Variants in HYCC2 observed in about 807,000 individuals in gnomAD.
HYCC2 encodes the protein hyccin PI4KA lipid kinase complex subunit 2.
chr2:201,069,579 C>CACACACACACAA, the HYCC2 span, among the ~76,000 whole-genome samples: 9 of 142,378 alleles, frequency 6.3e-5, no homozygotes, highest in African/African-American at 2.5e-4. Context: ...CACACACACA[C>CACACACACACAA]ACACACACAC....
At chr2:201,055,704 TAAAAAC>T in the HYCC2 span, among the ~76,000 whole-genome samples, 3 of 151,630 alleles carry the variant, frequency 2.0e-5, no homozygotes, top group Admixed American at 2.0e-4. Context: ...TCTCTAAAAA[TAAAAAC>T]ATAAAAATAA....
the HYCC2 span, among the ~76,000 whole-genome samples, chr2:200,984,116 T>G: frequency 6.6e-6 from 1 of 152,202 alleles, no homozygotes. Flanking sequence ...CACAGCCCAC[T>G]GTAGCCTCAA....
chr2:200,975,268 G>C, the HYCC2 span: 5 of 152,000 alleles, frequency 3.3e-5, no homozygotes, highest in East Asian at 9.6e-4. Flanking sequence ...TCCTTAACAA[G>C]TACTTTAAAA....
the HYCC2 span, chr2:200,974,157 C>T: frequency 5.7e-4 from 87 of 151,604 alleles, no homozygotes; most frequent in African/African-American, 2.0e-3. Context: ...TTCACCAGCA[C>T]TATTCTCTAA....
the HYCC2 span, among the ~76,000 whole-genome samples, chr2:201,017,580 A>G: frequency 5.9e-5 from 9 of 152,370 alleles, no homozygotes; most frequent in East Asian, 1.7e-3. Context: ...AACTGAGACT[A>G]TGATTTAAGC....
chr2:200,988,888 T>C, the HYCC2 span, among the ~76,000 whole-genome samples: 2 of 152,250 alleles, frequency 1.3e-5, no homozygotes, highest in Non-Finnish European at 2.9e-5. Flanking sequence ...ATTTGACTGA[T>C]GCATGTTTCC....
chr2:200,999,829 C>T, the HYCC2 span, among the ~76,000 whole-genome samples: 5 of 147,652 alleles, frequency 3.4e-5, no homozygotes, highest in African/African-American at 1.2e-4. Context: ...ATTGGGAGGC[C>T]GAGGCGGATC....
the HYCC2 span, among the ~76,000 whole-genome samples, chr2:201,018,706 G>C: frequency 6.6e-6 from 1 of 152,086 alleles, no homozygotes; most frequent in Non-Finnish European, 1.5e-5. Context: ...GGGTGTGGAG[G>C]TACACATCCA....
the HYCC2 span, chr2:201,063,701 G>A: frequency 3.2e-6 from 5 of 1,576,818 alleles, no homozygotes; most frequent in South Asian, 1.1e-5. Context: ...CTTTGGTGGT[G>A]GTCGTGGAGG....
the HYCC2 span, among the ~76,000 whole-genome samples, chr2:201,028,452 GA>G: frequency 1.3e-5 from 2 of 151,860 alleles, no homozygotes; most frequent in African/African-American, 2.4e-5. Context: ...CACAGAATTG[GA>G]AAAAAACTAC....
chr2:201,020,346 T>C, the HYCC2 span, among the ~76,000 whole-genome samples: 13 of 152,256 alleles, frequency 8.5e-5, no homozygotes, highest in African/African-American at 3.1e-4. Flanking sequence ...TGAGAGTATT[T>C]GGATGGAATA....
the HYCC2 span, among the ~76,000 whole-genome samples, chr2:201,026,313 G>A: frequency 8.5e-5 from 13 of 152,126 alleles, no homozygotes; most frequent in Non-Finnish European, 1.5e-4. Flanking sequence ...GATTCATAAA[G>A]CAAGTCCTTA....
chr2:200,981,367 T>A, the HYCC2 span: 1 of 1,614,196 alleles, frequency 6.2e-7, no homozygotes, highest in Non-Finnish European at 8.5e-7. The surrounding 1 kb of genome is among the most constrained non-coding windows in gnomAD (Gnocchi z 4.5). Flanking sequence ...TTCGCCAGCT[T>A]GACCTAGCCG....
chr2:200,984,930 T>G, the HYCC2 span, among the ~76,000 whole-genome samples: 56 of 152,230 alleles, frequency 3.7e-4, no homozygotes, highest in Non-Finnish European at 7.4e-5. Flanking sequence ...CTGGGCAACA[T>G]AGCAAGACCC....
chr2:200,984,080 T>C, the HYCC2 span, among the ~76,000 whole-genome samples: 1 of 152,172 alleles, frequency 6.6e-6, no homozygotes, highest in Non-Finnish European at 1.5e-5. Context: ...CACTCTGTTG[T>C]ATAGGCTGGA....
the HYCC2 span, among the ~76,000 whole-genome samples, chr2:201,071,228 T>C: frequency 8.5e-5 from 13 of 152,050 alleles, no homozygotes; most frequent in African/African-American, 2.9e-4. Context: ...ATCACTGGGA[T>C]TTCTCTTAAC....
chr2:201,033,190 TGTGTGTGAGAGA>T, the HYCC2 span, among the ~76,000 whole-genome samples: 1 of 142,220 alleles, frequency 7.0e-6, no homozygotes, highest in African/African-American at 2.7e-5. Context: ...TGTGTGTGTG[TGTGTGTGAGAGA>T]GAGAGAGAGA....
chr2:200,996,175 C>T, the HYCC2 span: 1 of 152,040 alleles, frequency 6.6e-6, no homozygotes, highest in Non-Finnish European at 1.5e-5. Flanking sequence ...GGATTATAGG[C>T]ATGCGCTACC....
At chr2:201,070,315 TA>T in the HYCC2 span, among the ~76,000 whole-genome samples, 1 of 152,298 alleles carries the variant, frequency 6.6e-6, no homozygotes, top group South Asian at 2.1e-4. Context: ...AAATAATTCA[TA>T]AGTAGCTTCT....
Sources: allele counts gnomAD v4.1 joint callset (sites outside exome capture counted in the v4.1 genomes callset), GRCh38; gene constraint gnomAD v4.1.1; non-coding constraint Gnocchi (gnomAD v3.1); transcripts MANE v1.5; gene names NCBI Gene and HGNC (gene_info 2026-07-23, HGNC 2026-07-21).